The following UBR4 variants were observed in gnomAD, a reference collection of about 807,000 sequenced individuals.
UBR4 encodes the protein E3 ubiquitin-protein ligase UBR4.
UBR4 carries 124 observed loss-of-function variants against 575.6 expected under a neutral mutation model. The ratio of observed to expected loss-of-function variants is 0.22; its 90% CI spans 0.19 to 0.25. The LOEUF (loss-of-function observed/expected upper bound fraction) is 0.25. Ranked by LOEUF, UBR4 falls within the 10% of genes least tolerant of loss-of-function variation. The pLI, the probability that UBR4 is intolerant of heterozygous loss-of-function variation, is 1.00. For synonymous variants in UBR4, 2,455 were observed against 2,473.7 expected, an observed-to-expected ratio of 0.99 and a Z score of 0.22; for missense variants, 4,818 against 6,478.8, an observed-to-expected ratio of 0.74 and a Z score of 8.80.
rs762534961 is a variant in UBR4, at chr1:19,173,088, T to A, written c.3297A>T (p.Ser1099=). 6.2e-7 allele frequency: 1 copy of A among 1,613,752 alleles called. No homozygotes were observed. The highest frequency in any genetic ancestry group is 8.5e-7 in the Non-Finnish European group (1 of 1,179,606). The change falls in exon 25 of 106, where the codon TCA becomes TCT. Residue 1099 remains serine (S), a synonymous_variant. Transcript: ENST00000375254. ...IVEEYFARQI[S]SFCSIDCTTI... is the part of the protein sequence containing the mutation. ...TGGTACAGTCGATACTACAGAAGGA[T>A]GAGATCTTTAAAAATATGCAAAATA...
rs536396167 is a variant in UBR4, at chr1:19,131,260, A to T, written c.8907-2186T>A. ...TTGAAACTTAAAAAAAAAAAAAAAA[A>T]AAAAAAAAATAAACACAGCACCAAA... On this transcript the variant is annotated intron_variant, in intron 60 of 105. Coordinates refer to ENST00000375254, the MANE Select transcript of UBR4 (RefSeq NM_020765.3). Among the ~76,000 whole-genome samples the T allele has an allele frequency of 1.1e-3, 160 of 146,440 alleles. 1 individual carries two copies. Among genetic ancestry groups the T allele is most frequent in the South Asian group, 6.5e-3 (30 of 4,598 alleles).
In UBR4 at chr1:19,186,644, T is replaced by C. The variant is rs753234225; in HGVS notation, c.1646A>G (p.Gln549Arg). The C allele has an allele frequency of 6.2e-7, 1 of 1,614,108 alleles. No individual in the cohort carries two copies. Among genetic ancestry groups the C allele is most frequent in the Non-Finnish European group, 8.5e-7 (1 of 1,179,964 alleles). Residue 549 changes from glutamine to arginine, a missense_variant, in exon 14 of 106, where the codon CAG (glutamine) becomes CGG (arginine). By Grantham distance (43) the Gln-to-Arg change is conservative (BLOSUM62 1). Coordinates refer to ENST00000375254, the MANE Select transcript of UBR4 (RefSeq NM_020765.3). ...GCTCATGGAGCCCTTCCTCTGCCGC[T>C]GCAGGACACATGCCTAGGAAAATGA... ...STSYRKACVL[Q>R]RQRKGSMSSD...
chr1:19,157,884 C>T lies in UBR4; in HGVS notation c.5691G>A (p.Val1897=), dbSNP rs751131362. ...QLISAHVLRR[V]AMCVLSSPHG... ...GGGGAGAGGAGAGCACACACATAGC[C>T]ACCCGCCTGAGCACATGAGCACTGA... Residue 1897 remains valine, a synonymous_variant, in exon 40 of 106, where the codon GTG becomes GTA. Coordinates refer to ENST00000375254, the MANE Select transcript of UBR4 (RefSeq NM_020765.3). This position sits in a 1 kb window ranked among gnomAD's most constrained non-coding sequence, Gnocchi z 4.4. 6.2e-7 allele frequency: 1 copy of T among 1,614,250 alleles called. No individual in the cohort carries two copies. The highest frequency in any genetic ancestry group is 1.7e-5 in the Admixed American group (1 of 60,038).
At chr1:19,079,880 A>G (rs1445531719) in intron 103 of UBR4, 2 of 152,370 alleles carry the variant, frequency 1.3e-5, no homozygotes, top group Admixed American at 6.5e-5. Context: ...TTTAAGGCCA[A>G]TTAGTAAAGG....
rs954909111 is a variant in UBR4, at chr1:19,110,561, C to T, written c.11893-97G>A. On this transcript the variant is annotated intron_variant, in intron 79 of 105. Coordinates refer to ENST00000375254, the MANE Select transcript of UBR4 (RefSeq NM_020765.3). The surrounding 1 kb of genome is among the most constrained non-coding windows in gnomAD (Gnocchi z 4.5). ...AATTTCTGGTCCTAGGTGGCTCCAA[C>T]AGAGACAAAGGACAGACGGAGACCC... The T allele has an allele frequency of 5.1e-5, 72 of 1,420,970 alleles. No homozygotes were observed. Among genetic ancestry groups the T allele is most frequent in the Middle Eastern group, 2.0e-4 (1 of 5,058 alleles). 88.0% of individuals were successfully genotyped at this position (1,420,970 alleles called of 1,614,324 possible).
At chr1:19,084,182 G>A (rs149379096) in intron 102 of UBR4, among the ~76,000 whole-genome samples, 1 of 152,366 alleles carries the variant, frequency 6.6e-6, no homozygotes, top group African/African-American at 2.4e-5. Flanking sequence ...AGTAGCCGCT[G>A]CATCGAAGTA....
At chr1:19,170,468 T>C (rs748135108) in intron 26 of UBR4, among the ~76,000 whole-genome samples, 3 of 152,200 alleles carry the variant, frequency 2.0e-5, no homozygotes, top group African/African-American at 4.8e-5. Context: ...AAAATAGCCT[T>C]ATGCTTTGGA....
At position 19,086,177 on chromosome 1, in the gene UBR4, G is replaced by A. The variant is rs2148690070; in HGVS notation, c.14781C>T (p.Val4927=). The A allele has an allele frequency of 6.2e-7, 1 of 1,614,068 alleles. No homozygotes were observed. Among genetic ancestry groups the A allele is most frequent in the Non-Finnish European group, 8.5e-7 (1 of 1,180,030 alleles). The change falls in exon 101 of 106, where the codon GTC becomes GTT. Residue 4927 remains valine (V), a synonymous_variant. Coordinates refer to ENST00000375254, the MANE Select transcript of UBR4 (RefSeq NM_020765.3). ...AGCAAGTGGCAAAAGCTGATTCAGG[G>A]ACATGAGGTCCCCAGACCGGAAGGA... The part of the protein sequence containing the change: ...NGLLPVWGPH[V]PESAFATCLA...
rs149767333 is a variant in UBR4, at chr1:19,197,804, C to T, written c.759G>A (p.Ser253=). The change falls in exon 7 of 106, where the codon TCG becomes TCA. Residue 253 remains serine, a synonymous_variant. Coordinates refer to ENST00000375254, the MANE Select transcript of UBR4 (RefSeq NM_020765.3). ...NVASLQELGG[S]EKLLRVCLNL... ...TCAAACATACACGCAGTAGCTTCTC[C>T]GAGCCACCTAAATGAATGAAAACCA... 2.5e-5 allele frequency: 41 copies of T among 1,614,020 alleles called. No homozygotes were observed. The African/African-American group carries it at 4.5e-4, about 18-fold the overall frequency.
chr1:19,177,764 C>T (rs2090429647), intron 18 of UBR4, 21 bp from the exon 19 acceptor site: 1 of 1,604,848 alleles, frequency 6.2e-7, no homozygotes, highest in African/African-American at 1.3e-5. Flanking sequence ...GAAAAGATGA[C>T]TATATCTGGT....
chr1:19,126,536 C>T lies in UBR4; in HGVS notation c.9348G>A (p.Glu3116=), dbSNP rs1299248234. 6.2e-7 allele frequency: 1 copy of T among 1,614,232 alleles called. No individual in the cohort carries two copies. Among genetic ancestry groups the T allele is most frequent in the East Asian group, 2.2e-5 (1 of 44,892 alleles). The change falls in exon 64 of 106, where the codon GAG becomes GAA. Residue 3116 remains glutamate (E), a synonymous_variant. Coordinates refer to ENST00000375254, the MANE Select transcript of UBR4 (RefSeq NM_020765.3). ...LEYWKSQQND[E]EPVATSQLLK... is the part of the protein sequence containing the mutation. Reference sequence around the variant, plus strand: ...GCAACTGGCTGGTAGCCACAGGCTCCTCGTCATTCTGTTGGCTCTTCCAAT... The same window carrying T: ...GCAACTGGCTGGTAGCCACAGGCTCTTCGTCATTCTGTTGGCTCTTCCAAT...
chr1:19,102,400 T>C (rs1570483624), intron 87 of UBR4, among the ~76,000 whole-genome samples: 1 of 148,976 alleles, frequency 6.7e-6, no homozygotes, highest in South Asian at 2.1e-4. Flanking sequence ...ACTGGGTGGG[T>C]CTGAATTAAA....
chr1:19,156,309 G>C lies in UBR4; in HGVS notation c.6034C>G (p.Gln2012Glu), dbSNP rs749005918. The change falls in exon 42 of 106, where the codon CAG becomes GAG. Residue 2012 changes from glutamine (Q) to glutamate (E), a missense_variant. Gln to Glu is a conservative substitution (Grantham distance 29). This residue lies in a region of UBR4 where 461 missense variants were observed against 606.9 expected (regional missense o/e 0.76). Transcript: ENST00000375254. ...GCGGTGACAATTGCTAACTCGGTCT[G>C]TGAACCAGGTAACCACACGGCTTTG... Reference protein sequence around the residue: ...IIKAVWLPGSQTELAIVTADF... With the variant: ...IIKAVWLPGSETELAIVTADF... The C allele has an allele frequency of 4.3e-6, 7 of 1,614,196 alleles. No individual in the cohort carries two copies. The Admixed American group carries it at 1.2e-4, about 27-fold the overall frequency.
rs766793089 is a variant in UBR4 at position 19,112,513 on chromosome 1, T to C, written c.11801+11A>G. The C allele has an allele frequency of 8.9e-5, 142 of 1,599,926 alleles. No individual in the cohort carries two copies. The highest frequency in any genetic ancestry group is 4.5e-4 in the East Asian group (20 of 44,852). On this transcript the variant is annotated intron_variant, in intron 78 of 105. Coordinates refer to ENST00000375254, the MANE Select transcript of UBR4 (RefSeq NM_020765.3). Reference sequence around the variant, plus strand: ...AACCACTAGGCCCATAACCATGGTGTAGGTACTGACCGAGTTAGGAGGCAC... The same window carrying C: ...AACCACTAGGCCCATAACCATGGTGCAGGTACTGACCGAGTTAGGAGGCAC...
chr1:19,156,164 G>A lies in UBR4; in HGVS notation c.6072+107C>T, dbSNP rs115769886. 7.7e-3 allele frequency: 11,215 copies of A among 1,453,240 alleles called. 52 individuals carry two copies. The highest frequency in any genetic ancestry group is 9.1e-3 in the Non-Finnish European group (9,777 of 1,070,724). The allele number at this position is 1,453,240 out of a possible 1,614,324, so 90.0% of individuals were successfully genotyped here. A position where few individuals can be genotyped will look rare whatever the true frequency, so the allele number is the denominator to read the frequency against. On this transcript the variant is annotated intron_variant, in intron 42 of 105. Coordinates refer to ENST00000375254, the MANE Select transcript of UBR4 (RefSeq NM_020765.3). ...GCTGGTACTACAGGTGAAAGTCATGGCACCCAGCTGATTTTTTTAACTCCT... is the reference window on the plus strand; with the variant it reads ...GCTGGTACTACAGGTGAAAGTCATGACACCCAGCTGATTTTTTTAACTCCT...
At chr1:19,122,136 A>G in intron 66 of UBR4, 124 bp from the exon 67 acceptor site, 1 of 924,598 alleles carries the variant, frequency 1.1e-6, no homozygotes, top group Non-Finnish European at 1.7e-6. Context: ...CTTCTGAGCA[A>G]GGCAGATGCT....
Position 19,160,210 on chromosome 1 carries a change from G to C in UBR4, c.5478C>G (p.Phe1826Leu). Residue 1826 changes from phenylalanine to leucine, a missense_variant, in exon 39 of 106, where the codon TTC becomes TTG. By Grantham distance (22) the Phe-to-Leu change is conservative. Around this residue, in one of 29 missense-constraint regions of UBR4, gnomAD observed 159 missense variants for 174.6 expected, o/e 0.91. Transcript: ENST00000375254. Reference sequence around the variant, plus strand: ...TGCTCCCGACGGCTGAAGCTTGCTGGAAGTTGGTCTGAATGGCATCCATAA... The same window carrying C: ...TGCTCCCGACGGCTGAAGCTTGCTGCAAGTTGGTCTGAATGGCATCCATAA... ...NFLMDAIQTN[F>L]QQASAVGSSS... The C allele has an allele frequency of 6.2e-7, 1 of 1,613,766 alleles. No individual in the cohort carries two copies. Among genetic ancestry groups the C allele is most frequent in the South Asian group, 1.1e-5 (1 of 91,076 alleles).
intron 94 of UBR4, 141 bp from the exon 95 acceptor site, chr1:19,094,280 G>A: frequency 1.7e-6 from 1 of 599,680 alleles, no homozygotes; most frequent in Non-Finnish European, 2.9e-6. Flanking sequence ...CACTTCTTGG[G>A]GAATAACAAA....
At chr1:19,123,176 GC>G (rs1483368921) in intron 65 of UBR4, 116 bp from the exon 66 acceptor site, 1 of 1,127,094 alleles carries the variant, frequency 8.9e-7, no homozygotes, top group Non-Finnish European at 1.3e-6. Context: ...GACAGGCCGG[GC>G]ACGGTGGCTC....
Sources: gnomAD v4.1 joint callset for allele counts (sites outside exome capture counted in the v4.1 genomes callset) on GRCh38, gnomAD v4.1.1 for gene constraint, gnomAD v4.1.1 regional missense constraint, Gnocchi (gnomAD v3.1) non-coding constraint, MANE v1.5 for transcripts, NCBI Gene and HGNC (gene_info 2026-07-23, HGNC 2026-07-21) for gene names.